The following ARFGEF2 variants were observed in gnomAD, a reference collection of about 807,000 sequenced individuals.
The protein encoded by ARFGEF2 is brefeldin A-inhibited guanine nucleotide-exchange protein 2.
In ARFGEF2, 74 loss-of-function variants were observed where a neutral mutation model predicts 219.9. The ratio of observed to expected loss-of-function variants is 0.34; its 90% confidence interval spans 0.28 to 0.41. ARFGEF2 has a LOEUF of 0.41. Among genes scored for constraint, ARFGEF2 ranks in the 10% least tolerant of loss-of-function variants. The pLI, the probability that ARFGEF2 is intolerant of heterozygous loss-of-function variation, is 1.00. For missense variants in ARFGEF2, 1,743 were observed against 2,218.3 expected (o/e 0.79, Z 4.30); for synonymous variants, 733 against 799.2 (o/e 0.92, Z 1.40).
intron 14 of ARFGEF2, among the ~76,000 whole-genome samples, chr20:48,981,048 G>A (rs929093652): frequency 2.0e-5 from 3 of 152,086 alleles, no homozygotes; most frequent in Non-Finnish European, 2.9e-5. Flanking sequence ...TATTTTGCCC[G>A]TTAGTTGATG....
At chr20:49,008,986 G>A (rs2091480148) in intron 26 of ARFGEF2, among the ~76,000 whole-genome samples, 1 of 152,152 alleles carries the variant, frequency 6.6e-6, no homozygotes, top group African/African-American at 2.4e-5. Flanking sequence ...GGGATTACAG[G>A]TGTGAACCAC....
rs144034184 is a variant in ARFGEF2 at position 49,024,243 on chromosome 20, G to A, written c.4755+1062G>A. Among the ~76,000 whole-genome samples, 292 of 152,304 alleles carry A rather than the reference G, an allele frequency of 1.9e-3. 3 individuals are homozygous for A. Among genetic ancestry groups the A allele is most frequent in the African/African-American group, 6.7e-3 (279 of 41,556 alleles). Reference sequence around the variant, plus strand: ...CCACCTCAGCCTCCCAAAGTGTTGGGATTGCAGGCGTGCACCACCATGCCT... The same window carrying A: ...CCACCTCAGCCTCCCAAAGTGTTGGAATTGCAGGCGTGCACCACCATGCCT... On this transcript the variant is annotated intron_variant, in intron 35 of 38. Transcript: ENST00000371917.
At chr20:48,949,962 A>G (rs955151847) in intron 3 of ARFGEF2, among the ~76,000 whole-genome samples, 2 of 152,134 alleles carry the variant, frequency 1.3e-5, no homozygotes, top group African/African-American at 2.4e-5. Context: ...TTGGAGAAAA[A>G]CACTGATTCC....
At chr20:48,933,715 T>C (rs891262401) in intron 1 of ARFGEF2, among the ~76,000 whole-genome samples, 3 of 152,114 alleles carry the variant, frequency 2.0e-5, no homozygotes, top group African/African-American at 7.2e-5. Context: ...CCAAGACCTC[T>C]CTCATGGCGG....
chr20:48,938,787 A>C (rs1455053506), intron 1 of ARFGEF2, among the ~76,000 whole-genome samples: 1 of 152,048 alleles, frequency 6.6e-6, no homozygotes, highest in Admixed American at 6.5e-5. Flanking sequence ...GAGCTGAGGG[A>C]CTCTAAAGAT....
intron 8 of ARFGEF2, among the ~76,000 whole-genome samples, chr20:48,966,243 C>CA (rs1438156196): frequency 2.0e-5 from 3 of 152,224 alleles, no homozygotes; most frequent in African/African-American, 7.2e-5. Context: ...CCTGTTTACT[C>CA]AGACTTCTAA....
chr20:49,027,780 G>A (rs1321804655), intron 36 of ARFGEF2, among the ~76,000 whole-genome samples: 1 of 152,092 alleles, frequency 6.6e-6, no homozygotes, highest in East Asian at 1.9e-4. Context: ...GACTTCTGGG[G>A]AGTCGTAACT....
chr20:48,939,567 A>G (rs1018724158), intron 1 of ARFGEF2, among the ~76,000 whole-genome samples: 2 of 152,122 alleles, frequency 1.3e-5, no homozygotes, highest in African/African-American at 4.8e-5. Flanking sequence ...GGCCTCTTCT[A>G]GTGGAAGCTG....
rs1372980842 is a variant in ARFGEF2 at position 48,971,144 on chromosome 20, G to A, written c.1215G>A (p.Val405=). 1.9e-6 allele frequency: 3 copies of A among 1,614,006 alleles called. No homozygotes were observed. In the East Asian group the frequency reaches 6.7e-5, roughly 36 times the overall value. Residue 405 remains valine, a synonymous_variant, in exon 10 of 39, where the codon GTG becomes GTA. Coordinates refer to ENST00000371917, the MANE Select transcript of ARFGEF2 (RefSeq NM_006420.3). ...DPKSHELRSK[V]VSLQLLLSVL... ...GATCCCATGAGCTGCGTTCCAAGGT[G>A]GTTTCCCTGCAGCTGCTCCTCTCTG...
chr20:49,023,548 TG>T (rs2091581494), intron 35 of ARFGEF2, among the ~76,000 whole-genome samples: 2 of 137,286 alleles, frequency 1.5e-5, no homozygotes, highest in Non-Finnish European at 3.1e-5. Context: ...TTTTTTTTTT[TG>T]TTTTTTTGAG....
rs867937638 is a variant in ARFGEF2 at position 48,935,940 on chromosome 20, G to T, written c.122-5259G>T. On this transcript the variant is annotated intron_variant, in intron 1 of 38. Coordinates refer to ENST00000371917, the MANE Select transcript of ARFGEF2 (RefSeq NM_006420.3). ...CTTCCCGCATGGGGCGGCTGGCCGG[G>T]GGGGGGGGCTGACCCCCCTACCTCC... is the stretch of plus-strand genomic sequence containing the variant. Among the ~76,000 whole-genome samples the T allele has an allele frequency of 3.9e-3, 533 of 137,536 alleles. 10 individuals are homozygous for T. The highest frequency in any genetic ancestry group is 0.012 in the African/African-American group (398 of 33,590). 90.2% of individuals were successfully genotyped at this position (137,536 alleles called of 152,430 possible).
At chr20:49,032,966 T>A (rs963253546) in intron 38 of ARFGEF2, 57 bp from the exon 39 acceptor site, 219 of 1,504,798 alleles carry the variant, frequency 1.5e-4, no homozygotes, top group Middle Eastern at 1.7e-4. Context: ...TCTGAAAAAC[T>A]GGTGCCCAAA....
chr20:49,023,915 G>A (rs957417137), intron 35 of ARFGEF2, among the ~76,000 whole-genome samples: 3 of 152,016 alleles, frequency 2.0e-5, no homozygotes, highest in African/African-American at 4.8e-5. Flanking sequence ...CAAGAATTTC[G>A]CTTTTTTTGT....
rs1175069085 is a variant in ARFGEF2 at position 48,965,780 on chromosome 20, G to C, written c.908-92G>C. ...GAAAAGGGGAAAAAGCAACAGCTGG[G>C]AGGTTCACAGATAACTTCTTTTTGG... On this transcript the variant is annotated intron_variant, in intron 7 of 38. Coordinates refer to ENST00000371917, the MANE Select transcript of ARFGEF2 (RefSeq NM_006420.3). The C allele has an allele frequency of 2.7e-6, 4 of 1,468,112 alleles. No homozygotes were observed. In the African/African-American group the frequency reaches 5.6e-5, roughly 20 times the overall value. 90.9% of individuals were successfully genotyped at this position (1,468,112 alleles called of 1,614,324 possible).
At chr20:49,002,654 C>G (rs1452661336) in intron 25 of ARFGEF2, among the ~76,000 whole-genome samples, 1 of 152,114 alleles carries the variant, frequency 6.6e-6, no homozygotes, top group African/African-American at 2.4e-5. Flanking sequence ...TCTTATTGCC[C>G]AGGCTGGAGT....
At chr20:48,936,429 C>T (rs1178594832) in intron 1 of ARFGEF2, among the ~76,000 whole-genome samples, 7 of 150,426 alleles carry the variant, frequency 4.7e-5, no homozygotes, top group African/African-American at 1.2e-4. Flanking sequence ...GGCTGCTGGG[C>T]GGAGGGGCTC....
Position 48,952,797 on chromosome 20 carries a change from C to T in ARFGEF2, c.516C>T (p.Ala172=). 6.2e-7 allele frequency: 1 copy of T among 1,614,176 alleles called. No individual in the cohort carries two copies. ...GAACATGTTACAATATCTATTTGGC[C>T]AGCAAAAATCTCATCAATCAAACCA... ...TVRTCYNIYL[A]SKNLINQTTA... The change falls in exon 5 of 39, where the codon GCC becomes GCT. Residue 172 remains alanine (A), a synonymous_variant. Coordinates refer to ENST00000371917, the MANE Select transcript of ARFGEF2 (RefSeq NM_006420.3).
At chr20:48,955,276 T>G (rs1600606287) in intron 6 of ARFGEF2, among the ~76,000 whole-genome samples, 1 of 152,172 alleles carries the variant, frequency 6.6e-6, no homozygotes, top group South Asian at 2.1e-4. Context: ...TACTGTCCCT[T>G]CCCTGCCTCT....
chr20:49,023,570 G>A (rs2091581893), intron 35 of ARFGEF2, among the ~76,000 whole-genome samples: 1 of 145,510 alleles, frequency 6.9e-6, no homozygotes, highest in South Asian at 2.2e-4. Context: ...ACGGAGTCTC[G>A]CTCTGTCGCC....
Sources: allele counts gnomAD v4.1 joint callset (sites outside exome capture counted in the v4.1 genomes callset), GRCh38; gene constraint gnomAD v4.1.1; transcripts MANE v1.5; gene names NCBI Gene and HGNC (gene_info 2026-07-23, HGNC 2026-07-21).